Variants in TDG observed in about 807,000 individuals in gnomAD.
The protein encoded by TDG is thymine DNA glycosylase.
A neutral mutation model predicts 46.1 loss-of-function variants in TDG; 23 were observed. The ratio of observed to expected loss-of-function variants is 0.50; its 90% confidence interval spans 0.36 to 0.71. TDG has a LOEUF of 0.71. TDG is among the 30% of genes least tolerant of loss of function. The pLI is 0.00. For missense variants in TDG, 304 were observed against 486.7 expected, an observed-to-expected ratio of 0.62 and a Z score of 3.53; for synonymous variants, 115 against 161.3, an observed-to-expected ratio of 0.71 and a Z score of 2.18.
At chr12:103,971,738 GAAAT>G (rs1485882140) in intron 1 of TDG, among the ~76,000 whole-genome samples, 1 of 152,136 alleles carries the variant, frequency 6.6e-6, no homozygotes, top group Non-Finnish European at 1.5e-5. Flanking sequence ...TGAACGAAGA[GAAAT>G]AAAATCAATC....
intron 7 of TDG, 92 bp downstream of exon 7, chr12:103,983,481 C>T (rs1871966403): frequency 1.2e-6 from 1 of 867,972 alleles, no homozygotes; most frequent in Admixed American, 3.2e-5. Flanking sequence ...TGATTTATAC[C>T]ATGCAAAACA....
intron 1 of TDG, among the ~76,000 whole-genome samples, chr12:103,969,949 G>T (rs1460749986): frequency 6.6e-6 from 1 of 152,114 alleles, no homozygotes; most frequent in Non-Finnish European, 1.5e-5. Flanking sequence ...ATGAGGACTG[G>T]CTTATTCTAA....
rs1437001742 is a variant in TDG at position 103,988,795 on chromosome 12, A to C, written c.*1705A>C. On this transcript the variant is annotated 3_prime_UTR_variant, in exon 10 of 10. Coordinates refer to ENST00000392872, the MANE Select transcript of TDG (RefSeq NM_003211.6). ...TGACAGTGTGAGACTTTTTCATTAA[A>C]TAATATTGAAAGATTTTAAAATTCA... 5 of 151,710 alleles carry C rather than the reference A, an allele frequency of 3.3e-5. No homozygotes were observed. Among genetic ancestry groups the C allele is most frequent in the African/African-American group, 1.2e-4 (5 of 41,246 alleles). The allele number at this position is 151,710 out of a possible 1,614,324, so 9.4% of individuals were successfully genotyped here.
chr12:103,983,080 C>T, intron 5 of TDG, 56 bp from the exon 6 acceptor site: 3 of 1,545,628 alleles, frequency 1.9e-6, no homozygotes, highest in Non-Finnish European at 2.6e-6. Flanking sequence ...CTGAATTTAG[C>T]ATATTATAAA....
intron 4 of TDG, among the ~76,000 whole-genome samples, chr12:103,982,189 C>T (rs1871874288): frequency 6.6e-6 from 1 of 152,162 alleles, no homozygotes; most frequent in Admixed American, 6.5e-5. Context: ...ACATTTAGGG[C>T]AACTGATAGT....
chr12:103,975,630 C>G (rs1871497669), intron 1 of TDG, among the ~76,000 whole-genome samples: 1 of 152,088 alleles, frequency 6.6e-6, no homozygotes, highest in South Asian at 2.1e-4. Context: ...TAACCCACTC[C>G]TGAAGGCAGA....
chr12:103,973,085 C>T (rs1566178555), intron 1 of TDG: 1 of 308,236 alleles, frequency 3.2e-6, no homozygotes, highest in African/African-American at 6.7e-5. Context: ...ACGTTTCATA[C>T]ATTTTTTTTT....
chr12:103,974,966 C>T (rs965183739), intron 1 of TDG, among the ~76,000 whole-genome samples: 5 of 129,386 alleles, frequency 3.9e-5, no homozygotes, highest in Non-Finnish European at 6.4e-5. Context: ...CAGGGCGAGA[C>T]TCCGTCTCAA....
At chr12:103,973,897 G>A (rs375132368) in intron 1 of TDG, among the ~76,000 whole-genome samples, 1 of 151,996 alleles carries the variant, frequency 6.6e-6, no homozygotes, top group East Asian at 1.9e-4. Context: ...TTAATGTATT[G>A]TAGTTTACTA....
chr12:103,976,920 A>G lies in TDG; in HGVS notation c.26A>G (p.Tyr9Cys), dbSNP rs1250518645. ...CTCATGCTTCATTATTCTTTCAGCT[A>G]TTCCCTTCAGCAAGCTCAAGCTTTT... MEAENAGS[Y>C]SLQQAQAFYT... Residue 9 changes from tyrosine (Y) to cysteine (C), a missense_variant and splice_region_variant, in exon 2 of 10, where the codon TAT (tyrosine) becomes TGT (cysteine). By Grantham distance (194) the Tyr-to-Cys change is radical. Coordinates refer to ENST00000392872, the MANE Select transcript of TDG (RefSeq NM_003211.6). 5 of 1,613,474 alleles carry G rather than the reference A, an allele frequency of 3.1e-6. No individual in the cohort carries two copies. The African/African-American group carries it at 4.0e-5, about 13-fold the overall frequency.
At chr12:103,973,602 C>A (rs937722436) in intron 1 of TDG, among the ~76,000 whole-genome samples, 3 of 152,162 alleles carry the variant, frequency 2.0e-5, no homozygotes, top group African/African-American at 7.2e-5. Context: ...ATATTTAAAT[C>A]ATGAATGTTG....
intron 7 of TDG, 42 bp downstream of exon 7, chr12:103,983,431 AT>A (rs144714925): frequency 1.7e-5 from 24 of 1,406,242 alleles, no homozygotes; most frequent in Non-Finnish European, 2.3e-5. Flanking sequence ...CTAAATGTGA[AT>A]TTTTTTCTAG....
At chr12:103,982,778 A>G in intron 4 of TDG, 21 bp from the exon 5 acceptor site, 1 of 1,610,948 alleles carries the variant, frequency 6.2e-7, no homozygotes, top group Non-Finnish European at 8.5e-7. Context: ...AAAAATAAAT[A>G]ACTGAATTTT....
rs146944507 is a variant in TDG, at chr12:103,979,651, A to G, written c.167-180A>G. ...GGAGAGTGGCATGGGGGGTTGCACG[A>G]ACCCAGTTCTAGGGAGAAAGAAAGG... On this transcript the variant is annotated intron_variant, in intron 2 of 9. Transcript: ENST00000392872. Among the ~76,000 whole-genome samples, 40 of 152,286 alleles carry G rather than the reference A, an allele frequency of 2.6e-4. 1 individual carries two copies. The East Asian group carries it at 7.3e-3, about 28-fold the overall frequency.
chr12:103,980,633 G>A, intron 3 of TDG: 1 of 343,172 alleles, frequency 2.9e-6, no homozygotes, highest in Non-Finnish European at 5.3e-6. Flanking sequence ...AGTTGGTGAG[G>A]GTGCGAGGCC....
intron 1 of TDG, among the ~76,000 whole-genome samples, chr12:103,967,258 G>T (rs1871083232): frequency 6.6e-6 from 1 of 152,012 alleles, no homozygotes. Flanking sequence ...TGATATGTCG[G>T]CCTGACTTCA....
intron 4 of TDG, 44 bp downstream of exon 4, chr12:103,981,006 T>C: frequency 6.5e-7 from 1 of 1,549,128 alleles, no homozygotes; most frequent in Non-Finnish European, 8.8e-7. Context: ...AAATTAGGTA[T>C]CTTTGTTAAC....
intron 9 of TDG, 187 bp from the exon 10 acceptor site, chr12:103,986,761 T>G (rs1872173666): frequency 1.8e-6 from 1 of 551,434 alleles, no homozygotes; most frequent in Non-Finnish European, 3.1e-6. Context: ...GGCTCACACC[T>G]GTAATCCCAG....
intron 1 of TDG, among the ~76,000 whole-genome samples, chr12:103,968,569 A>T (rs1309106152): frequency 6.6e-6 from 1 of 152,218 alleles, no homozygotes; most frequent in East Asian, 1.9e-4. Context: ...GGCAGAATGA[A>T]TATCTGTAAG....
Sources: allele counts gnomAD v4.1 joint callset (sites outside exome capture counted in the v4.1 genomes callset), GRCh38; gene constraint gnomAD v4.1.1; transcripts MANE v1.5; gene names NCBI Gene and HGNC (gene_info 2026-07-23, HGNC 2026-07-21).